WIPF3: variants seen among roughly 807,000 people sequenced by gnomAD.
WIPF3 encodes WAS/WASL-interacting protein family member 3.
A neutral mutation model predicts 38.9 loss-of-function variants in WIPF3; 33 were observed. That is an observed-to-expected ratio of 0.85 (90% confidence interval 0.64 to 1.14). The LOEUF is 1.14. WIPF3 is among the 50% of genes most tolerant of loss of function. The pLI, the probability that WIPF3 is intolerant of heterozygous loss-of-function variation, is 0.00. For synonymous variants in WIPF3, 324 were observed against 269.3 expected (o/e 1.20, Z -1.99); for missense variants, 711 against 652.5 (o/e 1.09, Z -0.98).
At chr7:29,839,149 C>CT (rs760245754) in intron 2 of WIPF3, among the ~76,000 whole-genome samples, 2 of 152,126 alleles carry the variant, frequency 1.3e-5, no homozygotes, top group Non-Finnish European at 2.9e-5. Flanking sequence ...TGGCAAGACT[C>CT]TAATTCTTGA....
Position 29,915,070 on chromosome 7 carries a change from A to G in WIPF3, c.*554A>G, listed in dbSNP as rs1269617191. The G allele has an allele frequency of 7.1e-6, 1 of 141,026 alleles. No homozygotes were observed. The highest frequency in any genetic ancestry group is 1.5e-5 in the Non-Finnish European group (1 of 66,358). The allele number at this position is 141,026 out of a possible 1,614,324, so 8.7% of individuals were successfully genotyped here. On this transcript the variant is annotated 3_prime_UTR_variant, in exon 9 of 9. Coordinates refer to ENST00000242140, the MANE Select transcript of WIPF3 (RefSeq NM_001080529.3). ...CCATGTCTCGCTTCCATTTTGCAGT[A>G]CAGGGAATTTTTTTTTTTTTTTTTT...
At chr7:29,834,590 G>T in intron 1 of WIPF3, 78 bp from the exon 2 acceptor site, 1 of 1,216,002 alleles carries the variant, frequency 8.2e-7, no homozygotes, top group East Asian at 3.3e-5. Context: ...ACTATAATAT[G>T]CATGTCTGCA....
chr7:29,840,474 G>A (rs982896801), intron 2 of WIPF3, among the ~76,000 whole-genome samples: 10 of 152,022 alleles, frequency 6.6e-5, no homozygotes, highest in Non-Finnish European at 8.8e-5. Context: ...ATTTGACTGG[G>A]GTCTATATTT....
At chr7:29,882,169 T>G (rs1011088782) in intron 4 of WIPF3, among the ~76,000 whole-genome samples, 1 of 152,234 alleles carries the variant, frequency 6.6e-6, no homozygotes, top group African/African-American at 2.4e-5. Flanking sequence ...ACTGACTCAC[T>G]TTAAGGGTTT....
At chr7:29,910,293 C>T (rs1271702219) in intron 8 of WIPF3, among the ~76,000 whole-genome samples, 2 of 152,096 alleles carry the variant, frequency 1.3e-5, no homozygotes, top group East Asian at 3.9e-4. Context: ...AATCAAATAT[C>T]TCCCAAAAAA....
rs1345035851 is a variant in WIPF3, at chr7:29,878,919, G to T, written c.224-90G>T. 7.7e-6 allele frequency: 11 copies of T among 1,422,516 alleles called. No individual in the cohort carries two copies. Among genetic ancestry groups the T allele is most frequent in the African/African-American group, 1.4e-5 (1 of 70,760 alleles). The allele number at this position is 1,422,516 out of a possible 1,614,324, so 88.1% of individuals were successfully genotyped here. On this transcript the variant is annotated intron_variant, in intron 3 of 8. Transcript: ENST00000242140. The surrounding 1 kb of genome is among the most constrained non-coding windows in gnomAD (Gnocchi z 4.0). ...AATGGGAAGGCTGACAAGGGCAGTGGTAGACCAGTGTTAGACCATGGTCTG... is the reference window on the plus strand; with the variant it reads ...AATGGGAAGGCTGACAAGGGCAGTGTTAGACCAGTGTTAGACCATGGTCTG...
chr7:29,889,472 C>A, intron 7 of WIPF3, 65 bp downstream of exon 7: 1 of 1,217,244 alleles, frequency 8.2e-7, no homozygotes, highest in Non-Finnish European at 1.2e-6. Flanking sequence ...GCCCACTGTG[C>A]ATCAGTTGGT....
rs939149711 is a variant in WIPF3 at position 29,806,565 on chromosome 7, G to T, written c.-171G>T. ...GCACCGAGCGCAGCTCGGCGGTAGC[G>T]GCGCCGCTTGGAGCACGGGCGCTGC... On this transcript the variant is annotated 5_prime_UTR_variant, in exon 1 of 9. Coordinates refer to ENST00000242140, the MANE Select transcript of WIPF3 (RefSeq NM_001080529.3). 6.6e-6 allele frequency: 1 copy of T among 151,384 alleles called. No individual in the cohort carries two copies. The highest frequency in any genetic ancestry group is 1.5e-5 in the Non-Finnish European group (1 of 67,834). 9.4% of individuals were successfully genotyped at this position (151,384 alleles called of 1,614,324 possible). A position where few individuals can be genotyped will look rare whatever the true frequency, so the allele number is the denominator to read the frequency against.
intron 2 of WIPF3, among the ~76,000 whole-genome samples, chr7:29,874,508 GC>G (rs947574876): frequency 1.3e-5 from 2 of 152,132 alleles, no homozygotes; most frequent in Admixed American, 6.5e-5. Flanking sequence ...GTCAGAAAAG[GC>G]CTCTGAAGTG....
At chr7:29,882,859 A>C (rs1785750988) in intron 4 of WIPF3, among the ~76,000 whole-genome samples, 1 of 152,252 alleles carries the variant, frequency 6.6e-6, no homozygotes, top group South Asian at 2.1e-4. Flanking sequence ...TAAAAAGAGC[A>C]CTAAATCTGG....
intron 2 of WIPF3, among the ~76,000 whole-genome samples, chr7:29,866,244 G>T (rs998442370): frequency 6.6e-6 from 1 of 152,200 alleles, no homozygotes; most frequent in Non-Finnish European, 1.5e-5. Flanking sequence ...TAGAAATTTT[G>T]GAATTTTCCC....
At chr7:29,842,282 C>A (rs961093291) in intron 2 of WIPF3, among the ~76,000 whole-genome samples, 1 of 152,224 alleles carries the variant, frequency 6.6e-6, no homozygotes, top group African/African-American at 2.4e-5. Context: ...TCACCTAGGG[C>A]AGGCCATGTC....
rs1350550516 is a variant in WIPF3, at chr7:29,836,840, A to G, written c.90+2026A>G. 5.3e-5 allele frequency among the ~76,000 whole-genome samples: 8 copies of G among 152,208 alleles called. No homozygotes were observed. The East Asian group carries it at 1.5e-3, about 29-fold the overall frequency. On this transcript the variant is annotated intron_variant, in intron 2 of 8. Transcript: ENST00000242140. ...CCCATCTCTACTAAAAAATACAAAA[A>G]TTAGTCAGGCATGGTGGCAGGTGCC...
intron 2 of WIPF3, among the ~76,000 whole-genome samples, chr7:29,865,139 C>A (rs1388880660): frequency 6.6e-6 from 1 of 152,060 alleles, no homozygotes; most frequent in African/African-American, 2.4e-5. Context: ...ATTGAGGCTT[C>A]AAAAGTCAAG....
chr7:29,834,557 G>A, intron 1 of WIPF3, 111 bp from the exon 2 acceptor site: 1 of 976,084 alleles, frequency 1.0e-6, no homozygotes, highest in Non-Finnish European at 1.4e-6. Flanking sequence ...GTGAATGAAT[G>A]AACAGGTGAA....
At chr7:29,810,190 A>G (rs1423704942) in intron 1 of WIPF3, among the ~76,000 whole-genome samples, 1 of 152,198 alleles carries the variant, frequency 6.6e-6, no homozygotes. Flanking sequence ...CTGATTCTTC[A>G]TACTCCTTTA....
intron 7 of WIPF3, among the ~76,000 whole-genome samples, chr7:29,890,446 G>T (rs1245540728): frequency 6.6e-6 from 1 of 152,026 alleles, no homozygotes. Flanking sequence ...GATTGGGCAG[G>T]AGCCAGAGTC....
intron 7 of WIPF3, among the ~76,000 whole-genome samples, chr7:29,901,127 G>T (rs1786266964): frequency 6.6e-6 from 1 of 152,172 alleles, no homozygotes; most frequent in Non-Finnish European, 1.5e-5. Flanking sequence ...TTGAGATTGA[G>T]GAGAGAGGTA....
chr7:29,896,881 G>T (rs1786156539), intron 7 of WIPF3, among the ~76,000 whole-genome samples: 1 of 152,188 alleles, frequency 6.6e-6, no homozygotes, highest in Non-Finnish European at 1.5e-5. Context: ...ACTCACTGAG[G>T]CCCTTGCCCT....
Sources: allele counts gnomAD v4.1 joint callset (sites outside exome capture counted in the v4.1 genomes callset), GRCh38; gene constraint gnomAD v4.1.1; non-coding constraint Gnocchi (gnomAD v3.1); transcripts MANE v1.5; gene names NCBI Gene and HGNC (gene_info 2026-07-23, HGNC 2026-07-21).